Variants in SUFU observed in about 807,000 individuals in gnomAD.
The protein encoded by SUFU is SUFU negative regulator of hedgehog signaling.
SUFU carries 7 observed loss-of-function variants against 58.9 expected under a neutral mutation model. The observed-to-expected ratio is 0.12, with a 90% CI of 0.07 to 0.22. SUFU has a LOEUF of 0.22. Ranked by LOEUF, SUFU falls within the 10% of genes least tolerant of loss-of-function variation. SUFU has a pLI of 1.00. For missense variants in SUFU, 451 were observed against 641.3 expected (o/e 0.70, Z 3.20); for synonymous variants, 232 against 254.8 (o/e 0.91, Z 0.85).
At chr10:102,551,919 G>T (rs1356309002) in intron 3 of SUFU, among the ~76,000 whole-genome samples, 3 of 151,078 alleles carry the variant, frequency 2.0e-5, no homozygotes, top group African/African-American at 7.3e-5. Context: ...TAGAGACGGG[G>T]TTTCACCTTG....
At chr10:102,520,928 A>C (rs767875711) in intron 2 of SUFU, among the ~76,000 whole-genome samples, 49 of 152,180 alleles carry the variant, frequency 3.2e-4, no homozygotes, top group African/African-American at 1.2e-3. Flanking sequence ...AAGCTTCTAT[A>C]AACATTTGTA....
chr10:102,514,435 C>T (rs12263467), intron 2 of SUFU, among the ~76,000 whole-genome samples: 318 of 152,244 alleles, frequency 2.1e-3, no homozygotes, highest in African/African-American at 7.0e-3. Flanking sequence ...TTCACATTCA[C>T]TAAAGGAAAC....
chr10:102,607,191 G>A (rs899301646), intron 8 of SUFU, among the ~76,000 whole-genome samples: 2 of 151,794 alleles, frequency 1.3e-5, no homozygotes, highest in Non-Finnish European at 2.9e-5. Context: ...TGGTACCACA[G>A]GCACATGCCA....
chr10:102,594,843 C>G (rs1166949117), intron 6 of SUFU, among the ~76,000 whole-genome samples: 1 of 152,084 alleles, frequency 6.6e-6, no homozygotes, highest in Non-Finnish European at 1.5e-5. Flanking sequence ...CTCAGCCTCC[C>G]GAGTAGCTGA....
chr10:102,570,526 G>A (rs551223317), intron 3 of SUFU, among the ~76,000 whole-genome samples: 1 of 136,634 alleles, frequency 7.3e-6, no homozygotes, highest in Non-Finnish European at 1.6e-5. Flanking sequence ...TTAATGCTGG[G>A]GTTTTTTTAG....
chr10:102,509,577 G>T (rs2062374585), intron 2 of SUFU, among the ~76,000 whole-genome samples: 1 of 152,124 alleles, frequency 6.6e-6, no homozygotes, highest in Non-Finnish European at 1.5e-5. Context: ...AGGTAGCATG[G>T]TTATGACTCA....
intron 3 of SUFU, among the ~76,000 whole-genome samples, chr10:102,558,971 A>G (rs984393029): frequency 4.6e-5 from 7 of 152,244 alleles, no homozygotes; most frequent in Admixed American, 1.3e-4. Flanking sequence ...GAGGAGGGGC[A>G]ATTCCAGGGT....
At chr10:102,512,538 T>G (rs1478227790) in intron 2 of SUFU, among the ~76,000 whole-genome samples, 2 of 152,238 alleles carry the variant, frequency 1.3e-5, no homozygotes, top group African/African-American at 4.8e-5. Flanking sequence ...AAATAGGACC[T>G]TTCTTATTGT....
chr10:102,551,077 A>T (rs1564676871), intron 3 of SUFU, among the ~76,000 whole-genome samples: 1 of 152,144 alleles, frequency 6.6e-6, no homozygotes, highest in Non-Finnish European at 1.5e-5. Context: ...AGTAGGTTAT[A>T]CATTTGGGGT....
chr10:102,624,161 G>A (rs1375242198), intron 10 of SUFU, among the ~76,000 whole-genome samples: 3 of 152,044 alleles, frequency 2.0e-5, no homozygotes, highest in East Asian at 1.9e-4. Flanking sequence ...ATTATTATTC[G>A]TGACAGAGCC....
At position 102,628,230 on chromosome 10, in the gene SUFU, A is replaced by G. The variant is rs1052570714; in HGVS notation, c.1365+987A>G. On this transcript the variant is annotated intron_variant, in intron 11 of 11. Coordinates refer to ENST00000369902, the MANE Select transcript of SUFU (RefSeq NM_016169.4). The surrounding 1 kb of genome is among the most constrained non-coding windows in gnomAD (Gnocchi z 4.5). ...CTCCCTGGGCTGCAACAGCCAGGAC[A>G]CAGGCCTCTGGTGTTTAGGAAGCTG... Among the ~76,000 whole-genome samples, 26 of 152,172 alleles carry G rather than the reference A, an allele frequency of 1.7e-4. No homozygotes were observed. Among genetic ancestry groups the G allele is most frequent in the African/African-American group, 6.3e-4 (26 of 41,438 alleles).
intron 2 of SUFU, among the ~76,000 whole-genome samples, chr10:102,517,117 C>G (rs1371218701): frequency 6.9e-6 from 1 of 144,792 alleles, no homozygotes; most frequent in Non-Finnish European, 1.5e-5. Context: ...GAGTGAAACT[C>G]CATCTCAAAA....
chr10:102,568,728 T>G (rs1353095232), intron 3 of SUFU, among the ~76,000 whole-genome samples: 1 of 150,650 alleles, frequency 6.6e-6, no homozygotes, highest in Admixed American at 6.6e-5. Flanking sequence ...ACAAAAATTA[T>G]CTGGGTGAGG....
rs1334458453 is a variant in SUFU, at chr10:102,629,787, G to T, written c.1366-279G>T. Among the ~76,000 whole-genome samples the T allele has an allele frequency of 2.0e-5, 3 of 152,152 alleles. No individual in the cohort carries two copies. The highest frequency in any genetic ancestry group is 4.4e-5 in the Non-Finnish European group (3 of 68,028). On this transcript the variant is annotated intron_variant, in intron 11 of 11. Transcript: ENST00000369902. This position sits in a 1 kb window ranked among gnomAD's most constrained non-coding sequence, Gnocchi z 4.7. ...TGTGGCCAGAGGCAGAACCAAGGAA[G>T]TGAGCAAGAGGGAGGTCAGCTTAGT...
At chr10:102,534,884 G>T (rs2062717467) in intron 2 of SUFU, among the ~76,000 whole-genome samples, 1 of 152,122 alleles carries the variant, frequency 6.6e-6, no homozygotes, top group South Asian at 2.1e-4. Flanking sequence ...CTAAGGCTGG[G>T]CTTGTCCCTA....
chr10:102,611,067 A>G (rs1389377769), intron 8 of SUFU, among the ~76,000 whole-genome samples: 1 of 152,228 alleles, frequency 6.6e-6, no homozygotes, highest in Non-Finnish European at 1.5e-5. Flanking sequence ...TTATTGCCAC[A>G]CACGACACTT....
intron 3 of SUFU, among the ~76,000 whole-genome samples, chr10:102,590,153 CTTTTTTCTTTTTT>C (rs1486102832): frequency 9.5e-5 from 7 of 73,862 alleles, no homozygotes; most frequent in East Asian, 4.3e-4. Flanking sequence ...TTTTTTTTTT[CTTTTTTCTTTTTT>C]TTTTTTTTTT....
upstream of SUFU, among the ~76,000 whole-genome samples, chr10:102,503,013 T>G (rs2062270652): frequency 6.6e-6 from 1 of 152,232 alleles, no homozygotes; most frequent in African/African-American, 2.4e-5. Context: ...AGTACTTGTC[T>G]GTAGTTCGGT....
chr10:102,613,507 G>A (rs567142430), intron 8 of SUFU, among the ~76,000 whole-genome samples: 5 of 152,364 alleles, frequency 3.3e-5, no homozygotes, highest in African/African-American at 1.2e-4. Context: ...CTGTTGGGGT[G>A]CCACCCTGGC....
Sources: gnomAD v4.1 joint callset for allele counts (sites outside exome capture counted in the v4.1 genomes callset) on GRCh38, gnomAD v4.1.1 for gene constraint, Gnocchi (gnomAD v3.1) non-coding constraint, MANE v1.5 for transcripts, NCBI Gene and HGNC (gene_info 2026-07-23, HGNC 2026-07-21) for gene names.